PIF1: variants seen among roughly 807,000 people sequenced by gnomAD.
The protein encoded by PIF1 is ATP-dependent DNA helicase PIF1.
A neutral mutation model predicts 62.3 loss-of-function variants in PIF1; 67 were observed. The ratio of observed to expected loss-of-function variants is 1.08; its 90% CI spans 0.88 to 1.32. The LOEUF is 1.32. Among genes scored for constraint, PIF1 ranks in the 40% most tolerant of loss-of-function variants. The pLI, the probability that PIF1 is intolerant of heterozygous loss-of-function variation, is 0.00. For missense variants in PIF1, 886 were observed against 866.1 expected, an observed-to-expected ratio of 1.02 and a Z score of -0.29; for synonymous variants, 364 against 379.5, an observed-to-expected ratio of 0.96 and a Z score of 0.47.
Position 64,817,976 on chromosome 15 carries a change from C to T in PIF1, c.1644G>A (p.Leu548=). Residue 548 remains leucine (L), a synonymous_variant, in exon 11 of 13, where the codon CTG becomes CTA. Transcript: ENST00000559239. ...TCTTGTGGATGGACATCGCCCAGGC[C>T]AGCTGGAGGGGCAGCTGCTGCCGAC... ...LLSRQQLPLQ[L]AWAMSIHKSQ... 6.2e-7 allele frequency: 1 copy of T among 1,613,490 alleles called. No individual in the cohort carries two copies. Among genetic ancestry groups the T allele is most frequent in the Non-Finnish European group, 8.5e-7 (1 of 1,179,830 alleles).
chr15:64,822,419 T>C, intron 3 of PIF1, 28 bp from the exon 4 acceptor site: 1 of 1,614,116 alleles, frequency 6.2e-7, no homozygotes, highest in Non-Finnish European at 8.5e-7. Context: ...TAGACAGGTC[T>C]CCCTGTTCCT....
intron 1 of PIF1, among the ~76,000 whole-genome samples, 200 bp from the exon 2 acceptor site, chr15:64,824,554 A>C (rs1193709020): frequency 6.6e-6 from 1 of 152,096 alleles, no homozygotes; most frequent in Non-Finnish European, 1.5e-5. Flanking sequence ...CCACCCTTAG[A>C]ATATGCCCTG....
chr15:64,821,567 T>TAAA, intron 4 of PIF1, 47 bp from the exon 5 acceptor site: 1 of 48,264 alleles, frequency 2.1e-5, no homozygotes, highest in Non-Finnish European at 2.4e-5. Context: ...AAGCCTCTCT[T>TAAA]TTTTTTTTTT....
intron 4 of PIF1, 102 bp from the exon 5 acceptor site, chr15:64,821,622 A>C: frequency 7.3e-7 from 1 of 1,368,378 alleles, no homozygotes; most frequent in Non-Finnish European, 9.6e-7. Context: ...CCCAGGCTGA[A>C]GTGCAGTGGC....
At chr15:64,818,374 G>GC in intron 9 of PIF1, 30 bp from the exon 10 acceptor site, 2 of 1,606,382 alleles carry the variant, frequency 1.2e-6, no homozygotes, top group African/African-American at 1.3e-5. Context: ...ATGGACAGCA[G>GC]CCCCCCTACC....
upstream of PIF1, among the ~76,000 whole-genome samples, chr15:64,826,535 C>G (rs1232205526): frequency 4.0e-5 from 6 of 148,722 alleles, no homozygotes; most frequent in African/African-American, 1.5e-4. Context: ...GCGATCGTGG[C>G]TCACTGCAAC....
At position 64,817,252 on chromosome 15, in the gene PIF1, T is replaced by C. The variant is rs141414126; in HGVS notation, c.1675-487A>G. ...AGAGGAGGTGGACTTGGAAATTCACTAAAGAAAAGTTTATTCTGGGCTGGG... is the reference window on the plus strand; with the variant it reads ...AGAGGAGGTGGACTTGGAAATTCACCAAAGAAAAGTTTATTCTGGGCTGGG... On this transcript the variant is annotated intron_variant, in intron 11 of 12. Transcript: ENST00000559239. Among the ~76,000 whole-genome samples the C allele has an allele frequency of 5.0e-3, 760 of 152,234 alleles. 9 individuals are homozygous for C. Among genetic ancestry groups the C allele is most frequent in the African/African-American group, 0.017 (720 of 41,534 alleles).
At chr15:64,820,907 T>C in intron 7 of PIF1, 75 bp downstream of exon 7, 1 of 1,305,950 alleles carries the variant, frequency 7.7e-7, no homozygotes, top group South Asian at 1.3e-5. Flanking sequence ...CTTCTGTGAG[T>C]CCCTCTCTGT....
intron 11 of PIF1, among the ~76,000 whole-genome samples, chr15:64,817,319 G>A (rs534934154): frequency 1.3e-5 from 2 of 152,094 alleles, no homozygotes; most frequent in East Asian, 1.9e-4. Context: ...TTGGGAGGCC[G>A]AGGCGGGCAG....
At chr15:64,820,060 C>G (rs2084264141) in intron 7 of PIF1, 74 bp from the exon 8 acceptor site, 1 of 1,551,192 alleles carries the variant, frequency 6.4e-7, no homozygotes, top group African/African-American at 1.4e-5. Context: ...CAGGATGGCT[C>G]AAGCAGCAGG....
rs200547278 is a variant in PIF1 at position 64,823,881 on chromosome 15, G to C, written c.455C>G (p.Pro152Arg). ...GAGCCGCCGCTCCTCGGGCTGCACA[G>C]GGCTGATGGTGACGAAGTCGCGGGG... ...PRPRDFVTISPVQPEERRLRA... is the reference protein window; with the variant it reads ...PRPRDFVTISRVQPEERRLRA... Residue 152 changes from proline (P) to arginine (R), a missense_variant, in exon 2 of 13, where the codon CCT becomes CGT. Transcript: ENST00000559239. 4.0e-5 allele frequency: 55 copies of C among 1,389,210 alleles called. No individual in the cohort carries two copies. Among genetic ancestry groups the C allele is most frequent in the Non-Finnish European group, 9.4e-7 (1 of 1,061,158 alleles). The allele number at this position is 1,389,210 out of a possible 1,614,324, so 86.1% of individuals were successfully genotyped here.
chr15:64,824,300 A>C lies in PIF1; in HGVS notation c.36T>G (p.Tyr12Ter). The C allele has an allele frequency of 7.9e-7, 1 of 1,261,100 alleles. No individual in the cohort carries two copies. Among genetic ancestry groups the C allele is most frequent in the Non-Finnish European group, 1.0e-6 (1 of 1,001,470 alleles). The allele number at this position is 1,261,100 out of a possible 1,614,324, so 78.1% of individuals were successfully genotyped here. Reference sequence around the variant, plus strand: ...CGCGGCACCGCAGCTCCGAGTCCTCATATTCCCCTGCCGCCGCCTCTATGC... The same window carrying C: ...CGCGGCACCGCAGCTCCGAGTCCTCCTATTCCCCTGCCGCCGCCTCTATGC... ...LSGIEAAAGE[Y>*]EDSELRCRVA... The change falls in exon 2 of 13, where the codon TAT becomes TAG. Residue 12 changes from tyrosine (Y) to a stop codon, truncating the protein, a stop_gained. Coordinates refer to ENST00000559239, the MANE Select transcript of PIF1 (RefSeq NM_001286496.2). LOFTEE classifies it high-confidence loss of function.
upstream of PIF1, chr15:64,825,703 A>G (rs994374435): frequency 3.3e-5 from 5 of 152,174 alleles, no homozygotes; most frequent in African/African-American, 1.2e-4. Flanking sequence ...CACCGACTGG[A>G]TCTTTAAATT....
chr15:64,821,264 T>C lies in PIF1; in HGVS notation c.989A>G (p.Asn330Ser), dbSNP rs2084283033. 2 of 1,614,250 alleles carry C rather than the reference T, an allele frequency of 1.2e-6. No homozygotes were observed. The highest frequency in any genetic ancestry group is 1.7e-6 in the Non-Finnish European group (2 of 1,180,044). ...EAVARAVRQQ[N>S]KPFGGIQLII... ...GAGCTGGATCCCTCCGAATGGCTTGTTCTGCTGCCGGACAGCTCTGGAGAG... is the reference window on the plus strand; with the variant it reads ...GAGCTGGATCCCTCCGAATGGCTTGCTCTGCTGCCGGACAGCTCTGGAGAG... Residue 330 changes from asparagine to serine, a missense_variant, in exon 6 of 13, where the codon AAC (asparagine) becomes AGC (serine). By Grantham distance (46) the Asn-to-Ser change is conservative (BLOSUM62 1). Transcript: ENST00000559239.
intron 1 of PIF1, among the ~76,000 whole-genome samples, chr15:64,825,234 TG>T (rs1311486219): frequency 6.6e-6 from 1 of 152,090 alleles, no homozygotes; most frequent in Admixed American, 6.6e-5. Flanking sequence ...CAAAGAGGGC[TG>T]CCGTGTAATA....
chr15:64,821,868 T>C (rs1357498551), intron 4 of PIF1: 4 of 287,600 alleles, frequency 1.4e-5, no homozygotes, highest in East Asian at 2.0e-4. Context: ...GCCTCCAGAG[T>C]AGCTGGGACT....
intron 2 of PIF1, chr15:64,823,510 G>A: frequency 9.8e-6 from 3 of 306,394 alleles, no homozygotes; most frequent in South Asian, 3.2e-4. Context: ...CTCCCAAAGT[G>A]CTGGGATTAC....
chr15:64,821,723 C>A, intron 4 of PIF1: 1 of 554,892 alleles, frequency 1.8e-6, no homozygotes, highest in Non-Finnish European at 3.1e-6. Context: ...AGGCACACAC[C>A]ACCATGCTCA....
In PIF1 at chr15:64,817,406, C is replaced by T. The variant is rs191878509; in HGVS notation, c.1674+540G>A. Among the ~76,000 whole-genome samples the T allele has an allele frequency of 9.9e-4, 151 of 152,056 alleles. 2 individuals carry two copies. In the East Asian group the frequency reaches 0.027, roughly 27 times the overall value. On this transcript the variant is annotated intron_variant, in intron 11 of 12. Coordinates refer to ENST00000559239, the MANE Select transcript of PIF1 (RefSeq NM_001286496.2). ...CTAAAAATACAAAAAATTAGCCAGG[C>T]GTGGTGGCGGCCGCCTGTAGCCCAG... is the stretch of plus-strand genomic sequence containing the variant.
Sources: allele counts gnomAD v4.1 joint callset (sites outside exome capture counted in the v4.1 genomes callset), GRCh38; gene constraint gnomAD v4.1.1; transcripts MANE v1.5; gene names NCBI Gene and HGNC (gene_info 2026-07-23, HGNC 2026-07-21).